AUTS2: variants seen among roughly 807,000 people sequenced by gnomAD.
AUTS2 encodes autism susceptibility gene 2 protein.
Under a neutral mutation model 112.4 loss-of-function variants are expected in AUTS2, and 17 were observed. The ratio of observed to expected loss-of-function variants is 0.15; its 90% CI spans 0.10 to 0.23. The LOEUF (loss-of-function observed/expected upper bound fraction) is 0.23. AUTS2 is among the 10% of genes least tolerant of loss of function. AUTS2 has a pLI of 1.00. For missense variants in AUTS2, 1,510 were observed against 1,701.6 expected (o/e 0.89, Z 1.98); for synonymous variants, 751 against 702.7 (o/e 1.07, Z -1.09).
At chr7:70,433,487 A>T (rs1245034727) in intron 4 of AUTS2, among the ~76,000 whole-genome samples, 1 of 152,222 alleles carries the variant, frequency 6.6e-6, no homozygotes, top group African/African-American at 2.4e-5. Flanking sequence ...CAATGGAGAG[A>T]TCACACAATC....
chr7:70,089,256 T>C (rs1271532666), intron 2 of AUTS2, among the ~76,000 whole-genome samples: 1 of 152,212 alleles, frequency 6.6e-6, no homozygotes, highest in African/African-American at 2.4e-5. Flanking sequence ...ACTATAGTTA[T>C]AGATTTTTTT....
intron 1 of AUTS2, among the ~76,000 whole-genome samples, chr7:69,773,079 ATTT>A (rs1788735502): frequency 6.6e-6 from 1 of 152,194 alleles, no homozygotes; most frequent in South Asian, 2.1e-4. Flanking sequence ...CCTACTATTT[ATTT>A]ATTTGAATTT....
chr7:70,644,770 A>G (rs1277205138), intron 5 of AUTS2, among the ~76,000 whole-genome samples: 6 of 152,034 alleles, frequency 3.9e-5, no homozygotes, highest in Non-Finnish European at 7.4e-5. Flanking sequence ...TTCCAGAAAC[A>G]TTTATCCCCA....
At chr7:70,614,091 C>T (rs2129534589) in intron 5 of AUTS2, among the ~76,000 whole-genome samples, 1 of 152,300 alleles carries the variant, frequency 6.6e-6, no homozygotes, top group South Asian at 2.1e-4. Flanking sequence ...AGTTTGAAGT[C>T]AGAGATGAGA....
intron 5 of AUTS2, among the ~76,000 whole-genome samples, chr7:70,618,520 A>G (rs1804498509): frequency 6.6e-6 from 1 of 152,186 alleles, no homozygotes; most frequent in African/African-American, 2.4e-5. Context: ...CCCATATTGT[A>G]TATTTCATAT....
chr7:70,512,193 T>G (rs1253243115), intron 5 of AUTS2, among the ~76,000 whole-genome samples: 2 of 152,160 alleles, frequency 1.3e-5, no homozygotes, highest in African/African-American at 2.4e-5. Flanking sequence ...CGGGTGGGCC[T>G]CCCACACAAA....
At chr7:69,708,349 C>T (rs778938947) in intron 1 of AUTS2, among the ~76,000 whole-genome samples, 1 of 152,082 alleles carries the variant, frequency 6.6e-6, no homozygotes, top group African/African-American at 2.4e-5. Flanking sequence ...AGAAAGAAGA[C>T]GACACTGGTA....
intron 2 of AUTS2, among the ~76,000 whole-genome samples, chr7:69,990,311 G>A (rs533231568): frequency 1.3e-5 from 2 of 152,292 alleles, no homozygotes; most frequent in Admixed American, 1.3e-4. Flanking sequence ...TGTGCCCAGA[G>A]GGAAGGGAAA....
At chr7:70,350,303 A>T (rs1371492147) in intron 4 of AUTS2, among the ~76,000 whole-genome samples, 2 of 152,210 alleles carry the variant, frequency 1.3e-5, no homozygotes, top group Admixed American at 1.3e-4. Context: ...CGATAATTTG[A>T]TATTTCATAT....
At chr7:69,629,797 G>A (rs1035602180) in intron 1 of AUTS2, among the ~76,000 whole-genome samples, 7 of 146,716 alleles carry the variant, frequency 4.8e-5, no homozygotes, top group East Asian at 4.1e-4. Flanking sequence ...CACATAGTTC[G>A]GAGTCTGGCA....
intron 5 of AUTS2, among the ~76,000 whole-genome samples, chr7:70,677,074 T>TGTC (rs1437183821): frequency 6.6e-6 from 1 of 152,194 alleles, no homozygotes; most frequent in East Asian, 1.9e-4. Flanking sequence ...GCGATCCACC[T>TGTC]GTCTTTTCTC....
chr7:69,827,041 G>T (rs956201450), intron 1 of AUTS2, among the ~76,000 whole-genome samples: 1 of 152,008 alleles, frequency 6.6e-6, no homozygotes, highest in Admixed American at 6.6e-5. Flanking sequence ...CTTGACTTTT[G>T]GGAGTGTTTC....
chr7:70,385,394 C>T (rs542700852), intron 4 of AUTS2, among the ~76,000 whole-genome samples: 4 of 152,104 alleles, frequency 2.6e-5, no homozygotes, highest in Admixed American at 6.6e-5. Flanking sequence ...TATGACTTGC[C>T]AATTAAATTA....
At chr7:70,155,491 T>C (rs546653041) in intron 4 of AUTS2, among the ~76,000 whole-genome samples, 52 of 150,498 alleles carry the variant, frequency 3.5e-4, no homozygotes, top group Non-Finnish European at 6.7e-4. Flanking sequence ...GATCAGGGAA[T>C]TTGTAATTTA....
intron 2 of AUTS2, among the ~76,000 whole-genome samples, chr7:70,020,735 A>G (rs1013787978): frequency 3.3e-5 from 5 of 151,286 alleles, no homozygotes; most frequent in African/African-American, 1.2e-4. Flanking sequence ...TCTGTTGCCC[A>G]TGTAGTGGCA....
chr7:70,775,146 G>A (rs1390635576), intron 12 of AUTS2: 4 of 585,986 alleles, frequency 6.8e-6, no homozygotes, highest in African/African-American at 3.8e-5. Flanking sequence ...GCTTGTCAGC[G>A]TAGATGTACC....
intron 1 of AUTS2, among the ~76,000 whole-genome samples, chr7:69,720,115 A>G (rs1159661462): frequency 6.6e-6 from 1 of 152,174 alleles, no homozygotes; most frequent in Non-Finnish European, 1.5e-5. Context: ...TGGCATGGTA[A>G]TGTGTGTAAG....
intron 8 of AUTS2, 52 bp downstream of exon 8, chr7:70,765,057 G>A (rs1219590342): frequency 1.9e-6 from 3 of 1,603,224 alleles, no homozygotes; most frequent in Admixed American, 1.7e-5. Context: ...GCCCCTCGCT[G>A]TGACCTCACC....
chr7:70,093,808 G>C (rs1804044598), intron 2 of AUTS2, among the ~76,000 whole-genome samples: 1 of 152,204 alleles, frequency 6.6e-6, no homozygotes, highest in Non-Finnish European at 1.5e-5. Context: ...TGTAGAACTT[G>C]TGTGAAGGAT....
Sources: allele counts gnomAD v4.1 joint callset (sites outside exome capture counted in the v4.1 genomes callset), GRCh38; gene constraint gnomAD v4.1.1; transcripts MANE v1.5; gene names NCBI Gene and HGNC (gene_info 2026-07-23, HGNC 2026-07-21).